The following AKR1E2 variants were observed in gnomAD, a reference collection of about 807,000 sequenced individuals.
AKR1E2 encodes aldo-keto reductase family 1 member E2.
AKR1E2 carries 43 observed loss-of-function variants against 41.9 expected under a neutral mutation model. The observed-to-expected ratio is 1.03, with a 90% CI of 0.80 to 1.32. The LOEUF (loss-of-function observed/expected upper bound fraction) is 1.32. Ranked by LOEUF, AKR1E2 falls within the 40% of genes most tolerant of loss-of-function variation. The pLI is 0.00. For missense variants in AKR1E2, 423 were observed against 396.5 expected (o/e 1.07, Z -0.57); for synonymous variants, 121 against 138.9 (o/e 0.87, Z 0.91).
chr10:4,835,267 A>C (rs11252769), intron 3 of AKR1E2, among the ~76,000 whole-genome samples: 2,862 of 152,264 alleles, frequency 0.019, 31 homozygotes, highest in Non-Finnish European at 0.031. Context: ...CATGATGGGG[A>C]TTCTAAGAAA....
At chr10:4,849,132 T>C (rs917959782), downstream of AKR1E2, among the ~76,000 whole-genome samples, 33 of 152,130 alleles carry the variant, frequency 2.2e-4, 1 homozygote, top group African/African-American at 7.5e-4. Context: ...AGCCTCGCCC[T>C]AGTGGGGGTA....
In AKR1E2 at chr10:4,833,599, A is replaced by G. The variant is rs1201789832; in HGVS notation, c.324+133A>G. On this transcript the variant is annotated intron_variant, in intron 3 of 9. Coordinates refer to ENST00000298375, the MANE Select transcript of AKR1E2 (RefSeq NM_001040177.3). ...TCCCAGGCTGCATCTGCCACATGCT[A>G]GCTGCGGCATTTGGGCAGTCCTCTT... 6.5e-6 allele frequency: 5 copies of G among 764,892 alleles called. No homozygotes were observed. The African/African-American group carries it at 8.6e-5, about 13-fold the overall frequency. 47.4% of individuals were successfully genotyped at this position (764,892 alleles called of 1,614,324 possible). A position where few individuals can be genotyped will look rare whatever the true frequency, so the allele number is the denominator to read the frequency against.
chr10:4,861,817 A>G, the AKR1E2 span, among the ~76,000 whole-genome samples: 1 of 151,968 alleles, frequency 6.6e-6, no homozygotes, highest in East Asian at 1.9e-4. Context: ...TTCTTTGTAG[A>G]TTCTGGATAT....
At chr10:4,840,749 A>T (rs913250954) in intron 6 of AKR1E2, among the ~76,000 whole-genome samples, 1 of 150,938 alleles carries the variant, frequency 6.6e-6, no homozygotes, top group African/African-American at 2.4e-5. Context: ...AATCTGGCAA[A>T]CTCCAGTTTC....
At chr10:4,866,051 C>T in the AKR1E2 span, among the ~76,000 whole-genome samples, 14 of 152,312 alleles carry the variant, frequency 9.2e-5, no homozygotes, top group South Asian at 2.7e-3. Context: ...CCAGGACAGA[C>T]GTGAAGTTTC....
chr10:4,852,143 A>G (rs1834536273), downstream of AKR1E2, among the ~76,000 whole-genome samples: 1 of 152,224 alleles, frequency 6.6e-6, no homozygotes, highest in Non-Finnish European at 1.5e-5. Flanking sequence ...GAAATCATTG[A>G]AAAACAATTA....
the AKR1E2 span, among the ~76,000 whole-genome samples, chr10:4,863,360 A>G: frequency 6.6e-6 from 1 of 152,246 alleles, no homozygotes; most frequent in African/African-American, 2.4e-5. Context: ...CTGAATGACT[A>G]CTGGGTACAT....
chr10:4,852,508 C>A (rs4881355), downstream of AKR1E2, among the ~76,000 whole-genome samples: 90,435 of 152,012 alleles, frequency 0.59, 28,026 homozygotes, highest in Admixed American at 0.69. Flanking sequence ...AGGAGAATAC[C>A]GTTAGCTAGA....
the AKR1E2 span, among the ~76,000 whole-genome samples, chr10:4,861,344 G>T: frequency 6.6e-6 from 1 of 151,930 alleles, no homozygotes; most frequent in South Asian, 2.1e-4. Flanking sequence ...TTTTGGGAGG[G>T]GAGTAAAAAT....
intron 8 of AKR1E2, chr10:4,846,110 A>C: frequency 3.3e-6 from 1 of 306,002 alleles, no homozygotes; most frequent in Non-Finnish European, 6.6e-6. Context: ...AAACCCAAGA[A>C]TCCGCCTACC....
chr10:4,836,686 G>A (rs187471753), intron 4 of AKR1E2, among the ~76,000 whole-genome samples: 1 of 152,324 alleles, frequency 6.6e-6, no homozygotes, highest in East Asian at 1.9e-4. Flanking sequence ...TGAGATGTCA[G>A]GACCAGGGCC....
At chr10:4,830,938 A>T (rs1389958691) in intron 2 of AKR1E2, 96 bp downstream of exon 2, 27 of 1,449,792 alleles carry the variant, frequency 1.9e-5, no homozygotes, top group Non-Finnish European at 2.1e-5. Flanking sequence ...ACTTTGTTTC[A>T]TACTCAAATC....
intron 1 of AKR1E2, among the ~76,000 whole-genome samples, chr10:4,828,555 C>G (rs1314668947): frequency 2.0e-5 from 3 of 152,190 alleles, no homozygotes; most frequent in African/African-American, 7.2e-5. Flanking sequence ...GCACCTTACT[C>G]TCCACTGTAA....
At chr10:4,844,394 A>T (rs1834135348) in intron 8 of AKR1E2, among the ~76,000 whole-genome samples, 1 of 152,208 alleles carries the variant, frequency 6.6e-6, no homozygotes, top group Non-Finnish European at 1.5e-5. Flanking sequence ...CAGCAGCAAG[A>T]TCTATTGCAA....
intron 8 of AKR1E2, among the ~76,000 whole-genome samples, chr10:4,845,459 GCCAGCA>G (rs1834261943): frequency 3.9e-5 from 1 of 25,870 alleles, no homozygotes; most frequent in Non-Finnish European, 1.7e-4. Flanking sequence ...TGTGAGGGCT[GCCAGCA>G]TGCTGTCACC....
chr10:4,826,081 T>C (rs1014857383), upstream of AKR1E2: 42 of 393,166 alleles, frequency 1.1e-4, no homozygotes, highest in African/African-American at 7.9e-4. Flanking sequence ...CAGCTGGCTC[T>C]GCGCCTCCAG....
At chr10:4,846,262 C>T (rs879126866) in intron 8 of AKR1E2, 7 of 173,762 alleles carry the variant, frequency 4.0e-5, no homozygotes, top group East Asian at 1.6e-4. Context: ...CCCCTCCTCC[C>T]GCCGCAAGAC....
the AKR1E2 span, among the ~76,000 whole-genome samples, chr10:4,856,339 C>G: frequency 6.6e-6 from 1 of 152,070 alleles, no homozygotes; most frequent in East Asian, 1.9e-4. Flanking sequence ...TATTATCTAG[C>G]TTTTTGTAGA....
chr10:4,840,110 G>A (rs1833754322), intron 6 of AKR1E2, among the ~76,000 whole-genome samples: 1 of 152,050 alleles, frequency 6.6e-6, no homozygotes, highest in African/African-American at 2.4e-5. Context: ...TCCCCACCAG[G>A]GTGTCAGCCC....
Sources: gnomAD v4.1 joint callset for allele counts (sites outside exome capture counted in the v4.1 genomes callset) on GRCh38, gnomAD v4.1.1 for gene constraint, MANE v1.5 for transcripts, NCBI Gene and HGNC (gene_info 2026-07-23, HGNC 2026-07-21) for gene names.